TCERG1L: variants seen among roughly 807,000 people sequenced by gnomAD.
The protein encoded by TCERG1L is transcription elongation regulator 1 like.
TCERG1L carries 37 observed loss-of-function variants against 56.3 expected under a neutral mutation model. The ratio of observed to expected loss-of-function variants is 0.66; its 90% CI spans 0.51 to 0.87. TCERG1L has a LOEUF of 0.87. TCERG1L is among the 40% of genes least tolerant of loss of function. TCERG1L has a pLI of 0.00. For missense variants in TCERG1L, 799 were observed against 774.2 expected (o/e 1.03, Z -0.38); for synonymous variants, 324 against 326.3 (o/e 0.99, Z 0.08).
At chr10:131,265,027 A>G (rs1177680065) in intron 3 of TCERG1L, among the ~76,000 whole-genome samples, 1 of 152,162 alleles carries the variant, frequency 6.6e-6, no homozygotes, top group African/African-American at 2.4e-5. Context: ...AATTAAGAAG[A>G]CAGGACCAAA....
At chr10:131,215,532 C>A (rs1845661602) in intron 4 of TCERG1L, among the ~76,000 whole-genome samples, 1 of 152,174 alleles carries the variant, frequency 6.6e-6, no homozygotes, top group Non-Finnish European at 1.5e-5. Context: ...AACTCGGAGA[C>A]CTGATCTGCA....
chr10:131,172,532 T>C (rs928350734), intron 4 of TCERG1L, among the ~76,000 whole-genome samples: 9 of 152,228 alleles, frequency 5.9e-5, no homozygotes, highest in African/African-American at 1.9e-4. Flanking sequence ...GAGTTCTCGA[T>C]TGTTGTAGAC....
chr10:131,284,758 C>T (rs74736653), intron 3 of TCERG1L, among the ~76,000 whole-genome samples: 11,238 of 152,052 alleles, frequency 0.074, 521 homozygotes, highest in African/African-American at 0.11. Context: ...AGAACAATCT[C>T]ATACCAAAGG....
intron 6 of TCERG1L, among the ~76,000 whole-genome samples, chr10:131,155,802 C>G (rs1362065595): frequency 6.6e-6 from 1 of 152,164 alleles, no homozygotes; most frequent in Non-Finnish European, 1.5e-5. Context: ...GCCCACCCCC[C>G]ACTCCCTGGG....
At chr10:131,276,656 T>C (rs1846396654) in intron 3 of TCERG1L, among the ~76,000 whole-genome samples, 1 of 152,196 alleles carries the variant, frequency 6.6e-6, no homozygotes, top group Non-Finnish European at 1.5e-5. Context: ...TGAGTCTATC[T>C]TGGTTATGAA....
intron 4 of TCERG1L, among the ~76,000 whole-genome samples, chr10:131,195,533 C>T (rs11594799): frequency 0.16 from 24,062 of 152,160 alleles, 2,048 homozygotes; most frequent in East Asian, 0.22. Flanking sequence ...CTTCCCAATC[C>T]CCCTCCCCTG....
At chr10:131,282,917 C>T (rs951431562) in intron 3 of TCERG1L, among the ~76,000 whole-genome samples, 1 of 152,156 alleles carries the variant, frequency 6.6e-6, no homozygotes, top group African/African-American at 2.4e-5. Flanking sequence ...AAGTTCATTT[C>T]TTATGGGTCT....
At chr10:131,201,327 C>A (rs902756655) in intron 4 of TCERG1L, among the ~76,000 whole-genome samples, 6 of 152,148 alleles carry the variant, frequency 3.9e-5, no homozygotes, top group African/African-American at 1.4e-4. Flanking sequence ...GCAGGGACAG[C>A]GACAGAGAGG....
Position 131,093,381 on chromosome 10 carries a change from C to T in TCERG1L, c.1605-63G>A, listed in dbSNP as rs984539835. 6.3e-6 allele frequency: 10 copies of T among 1,577,656 alleles called. No individual in the cohort carries two copies. The African/African-American group carries it at 1.4e-4, about 21-fold the overall frequency. On this transcript the variant is annotated intron_variant, in intron 11 of 11. Coordinates refer to ENST00000368642, the MANE Select transcript of TCERG1L (RefSeq NM_174937.4). ...AGCAACTCTGGCCTCCCCAGAGATC[C>T]TGCAGCGGCACCGCCTGAGCAAGCA...
chr10:131,301,657 T>A (rs1031595410), intron 3 of TCERG1L, among the ~76,000 whole-genome samples: 6 of 150,266 alleles, frequency 4.0e-5, no homozygotes, highest in African/African-American at 9.8e-5. Context: ...GTCTGCTTTT[T>A]AAAAAAAAAA....
At chr10:131,279,133 T>C (rs1449478025) in intron 3 of TCERG1L, among the ~76,000 whole-genome samples, 1 of 152,164 alleles carries the variant, frequency 6.6e-6, no homozygotes, top group Admixed American at 6.5e-5. Flanking sequence ...ACCTAGTTCA[T>C]GGGAGCCCTA....
intron 4 of TCERG1L, among the ~76,000 whole-genome samples, chr10:131,232,230 G>A (rs1044772012): frequency 1.3e-5 from 2 of 152,224 alleles, no homozygotes; most frequent in Admixed American, 6.5e-5. Flanking sequence ...TGGGTGGGAC[G>A]TGAGGAGCAC....
intron 3 of TCERG1L, among the ~76,000 whole-genome samples, chr10:131,303,528 C>T (rs1017185263): frequency 1.3e-5 from 2 of 151,966 alleles, no homozygotes; most frequent in Non-Finnish European, 2.9e-5. Flanking sequence ...GGATATTAGC[C>T]CCTTGTCAGA....
chr10:131,127,255 G>C (rs973212919), intron 8 of TCERG1L, among the ~76,000 whole-genome samples: 3 of 152,230 alleles, frequency 2.0e-5, no homozygotes, highest in African/African-American at 7.2e-5. Flanking sequence ...ACACTGATGA[G>C]TGAAGAACCC....
chr10:131,136,392 T>C (rs1330877046), intron 7 of TCERG1L, among the ~76,000 whole-genome samples: 1 of 151,992 alleles, frequency 6.6e-6, no homozygotes, highest in East Asian at 2.0e-4. Context: ...GACGAGGGCC[T>C]GGGGTGAGCA....
At chr10:131,241,762 CAT>C (rs1409130580) in intron 4 of TCERG1L, among the ~76,000 whole-genome samples, 1 of 152,006 alleles carries the variant, frequency 6.6e-6, no homozygotes, top group African/African-American at 2.4e-5. Flanking sequence ...TATGTATACA[CAT>C]ATGCATCTTT....
intron 3 of TCERG1L, among the ~76,000 whole-genome samples, chr10:131,307,455 A>G (rs570741207): frequency 6.6e-6 from 1 of 152,220 alleles, no homozygotes; most frequent in Non-Finnish European, 1.5e-5. Flanking sequence ...GGTAGGTAGG[A>G]AATTACAAGA....
rs149356398 is a variant in TCERG1L at position 131,273,083 on chromosome 10, C to T, written c.671-12639G>A. Among the ~76,000 whole-genome samples, 1,157 of 152,264 alleles carry T rather than the reference C, an allele frequency of 7.6e-3. 18 individuals carry two copies. The highest frequency in any genetic ancestry group is 0.026 in the African/African-American group (1,090 of 41,564). On this transcript the variant is annotated intron_variant, in intron 3 of 11. Transcript: ENST00000368642. Reference sequence around the variant, plus strand: ...ACAGTGGAGTGGGCCCGACCTCACCCTCAGGCCCGGGGCGCCTCACTCAGG... The same window carrying T: ...ACAGTGGAGTGGGCCCGACCTCACCTTCAGGCCCGGGGCGCCTCACTCAGG...
At chr10:131,264,484 G>A (rs1375754230) in intron 3 of TCERG1L, among the ~76,000 whole-genome samples, 1 of 152,218 alleles carries the variant, frequency 6.6e-6, no homozygotes, top group Non-Finnish European at 1.5e-5. Context: ...CGGGCTCCTG[G>A]TTCAAAGCCT....
Sources: gnomAD v4.1 joint callset for allele counts (sites outside exome capture counted in the v4.1 genomes callset) on GRCh38, gnomAD v4.1.1 for gene constraint, MANE v1.5 for transcripts, NCBI Gene and HGNC (gene_info 2026-07-23, HGNC 2026-07-21) for gene names.